NLN: variants seen among roughly 807,000 people sequenced by gnomAD.
NLN encodes the protein neurolysin, also known as neurolysin, mitochondrial.
A neutral mutation model predicts 79.9 loss-of-function variants in NLN; 64 were observed. The ratio of observed to expected loss-of-function variants is 0.80; its 90% CI spans 0.65 to 0.99. NLN has a LOEUF of 0.99. Among genes scored for constraint, NLN ranks in the 50% least tolerant of loss-of-function variants. The pLI, the probability that NLN is intolerant of heterozygous loss-of-function variation, is 0.00. For synonymous variants in NLN, 267 were observed against 296.6 expected (o/e 0.90, Z 1.02); for missense variants, 835 against 858.7 (o/e 0.97, Z 0.34).
chr5:65,726,874 T>C (rs1758484677), intron 1 of NLN, among the ~76,000 whole-genome samples: 2 of 152,226 alleles, frequency 1.3e-5, no homozygotes, highest in Admixed American at 6.5e-5. Context: ...CCCTGTGTTC[T>C]CCTGTTTTTC....
At chr5:65,776,814 T>G (rs1759690223) in intron 3 of NLN, among the ~76,000 whole-genome samples, 1 of 152,228 alleles carries the variant, frequency 6.6e-6, no homozygotes, top group Non-Finnish European at 1.5e-5. Flanking sequence ...TCCTCCACTT[T>G]GTGCAGTGCT....
At chr5:65,763,240 A>G (rs1759378559) in intron 3 of NLN, 132 bp downstream of exon 3, 2 of 695,162 alleles carry the variant, frequency 2.9e-6, no homozygotes, top group Non-Finnish European at 2.4e-6. Flanking sequence ...CATAATGGGC[A>G]TTATATAGTA....
intron 6 of NLN, among the ~76,000 whole-genome samples, chr5:65,784,459 A>G (rs1456781325): frequency 6.6e-6 from 1 of 152,318 alleles, no homozygotes; most frequent in Non-Finnish European, 1.5e-5. Flanking sequence ...AATTTTTCAC[A>G]GTTCTGAAGG....
At chr5:65,739,591 C>A (rs1020590808) in intron 1 of NLN, among the ~76,000 whole-genome samples, 1 of 152,152 alleles carries the variant, frequency 6.6e-6, no homozygotes, top group African/African-American at 2.4e-5. Context: ...AACCTCCATA[C>A]TGTTTTCCAT....
intron 1 of NLN, among the ~76,000 whole-genome samples, chr5:65,728,947 G>C (rs138963549): frequency 6.6e-6 from 1 of 152,064 alleles, no homozygotes; most frequent in Non-Finnish European, 1.5e-5. Flanking sequence ...GGGCTCAAAC[G>C]ATCCTCCCAC....
At chr5:65,812,700 A>G (rs751213233) in intron 12 of NLN, among the ~76,000 whole-genome samples, 1 of 152,240 alleles carries the variant, frequency 6.6e-6, no homozygotes, top group African/African-American at 2.4e-5. Context: ...GACATGTACC[A>G]TACAACATTT....
chr5:65,808,579 T>G (rs1429616551), intron 9 of NLN, among the ~76,000 whole-genome samples: 1 of 152,252 alleles, frequency 6.6e-6, no homozygotes, highest in East Asian at 1.9e-4. Context: ...CCTGTTTTAG[T>G]GAATCTCTGT....
At chr5:65,725,602 A>T (rs935797583) in intron 1 of NLN, among the ~76,000 whole-genome samples, 47 of 152,214 alleles carry the variant, frequency 3.1e-4, no homozygotes, top group African/African-American at 1.1e-3. Context: ...AAAGTCTTCA[A>T]GTATTGGGAA....
intron 9 of NLN, among the ~76,000 whole-genome samples, chr5:65,808,197 C>T (rs574421972): frequency 5.3e-5 from 8 of 152,226 alleles, no homozygotes; most frequent in African/African-American, 1.9e-4. Flanking sequence ...AATGAGAAAT[C>T]AAGCAAAACA....
intron 9 of NLN, among the ~76,000 whole-genome samples, chr5:65,805,230 A>G (rs1020287511): frequency 2.0e-5 from 3 of 152,222 alleles, no homozygotes; most frequent in African/African-American, 4.8e-5. Flanking sequence ...AGATTAGTCA[A>G]TAACCCTACA....
At chr5:65,727,679 G>T (rs1403637916) in intron 1 of NLN, among the ~76,000 whole-genome samples, 10 of 152,146 alleles carry the variant, frequency 6.6e-5, no homozygotes, top group Non-Finnish European at 1.3e-4. Flanking sequence ...AGAAACAAAC[G>T]AGAAGGTTGA....
At chr5:65,805,149 C>T (rs535568777) in intron 9 of NLN, among the ~76,000 whole-genome samples, 7 of 152,298 alleles carry the variant, frequency 4.6e-5, no homozygotes, top group Non-Finnish European at 8.8e-5. Flanking sequence ...ATACTGACTG[C>T]TCCACCGGCC....
At position 65,758,567 on chromosome 5, in the gene NLN, A is replaced by T; in HGVS notation, c.42A>T (p.Arg14Ser). Reference sequence around the variant, plus strand: ...TTATTCTTTTTCTGATTCTTTTTAGAGTTGGTGGTTCCAGGATTTTACTCA... The same window carrying T: ...TTATTCTTTTTCTGATTCTTTTTAGTGTTGGTGGTTCCAGGATTTTACTCA... ...RCLLAVRSLR[R>S]VGGSRILLRM... The change falls in exon 2 of 13, where the codon AGA (arginine) becomes AGT (serine). Residue 14 changes from arginine to serine, a missense_variant and splice_region_variant. Arg to Ser is a moderately radical substitution (Grantham distance 110). Coordinates refer to ENST00000380985, the MANE Select transcript of NLN (RefSeq NM_020726.5). 6.2e-7 allele frequency: 1 copy of T among 1,600,300 alleles called. No individual in the cohort carries two copies.
intron 1 of NLN, among the ~76,000 whole-genome samples, chr5:65,751,320 C>T (rs1000735656): frequency 2.8e-4 from 42 of 152,146 alleles, no homozygotes; most frequent in African/African-American, 9.9e-4. Context: ...TCTAATAAAA[C>T]GTGTTTCCCT....
chr5:65,728,050 G>T (rs972798786), intron 1 of NLN, among the ~76,000 whole-genome samples: 1 of 152,134 alleles, frequency 6.6e-6, no homozygotes, highest in African/African-American at 2.4e-5. Flanking sequence ...TTATAGGCGT[G>T]AGCCACTGCA....
chr5:65,735,597 A>C (rs1158727386), intron 1 of NLN, among the ~76,000 whole-genome samples: 1 of 152,048 alleles, frequency 6.6e-6, no homozygotes, highest in Non-Finnish European at 1.5e-5. Flanking sequence ...CTTCCTCATC[A>C]TGAGTCCCAG....
At chr5:65,745,987 AC>A (rs1302280703) in intron 1 of NLN, among the ~76,000 whole-genome samples, 1 of 152,188 alleles carries the variant, frequency 6.6e-6, no homozygotes, top group Non-Finnish European at 1.5e-5. Context: ...TTTTAGACAT[AC>A]TGTATTAAGG....
At chr5:65,760,904 T>G (rs918427961) in intron 2 of NLN, among the ~76,000 whole-genome samples, 1 of 152,222 alleles carries the variant, frequency 6.6e-6, no homozygotes, top group African/African-American at 2.4e-5. Flanking sequence ...TTCAAGTTTG[T>G]GATGTTTGTT....
chr5:65,785,870 G>A lies in NLN; in HGVS notation c.918G>A (p.Met306Ile), dbSNP rs1189056718. ...YSTHADFVLE[M>I]NTAKSTSRVT... ...CACATGCTGACTTCGTCCTTGAAAT[G>A]AACACTGCAAAGAGCACAAGCCGCG... Residue 306 changes from methionine (M) to isoleucine (I), a missense_variant, in exon 7 of 13, where the codon ATG becomes ATA. Physicochemically the swap from Met to Ile is conservative, Grantham distance 10. Coordinates refer to ENST00000380985, the MANE Select transcript of NLN (RefSeq NM_020726.5). 1 of 1,613,276 alleles carries A rather than the reference G, an allele frequency of 6.2e-7. No homozygotes were observed. Among genetic ancestry groups the A allele is most frequent in the Admixed American group, 1.7e-5 (1 of 59,944 alleles).
Sources: gnomAD v4.1 joint callset for allele counts (sites outside exome capture counted in the v4.1 genomes callset) on GRCh38, gnomAD v4.1.1 for gene constraint, MANE v1.5 for transcripts, NCBI Gene and HGNC (gene_info 2026-07-23, HGNC 2026-07-21) for gene names.